Variants in RGS8 observed in about 807,000 individuals in gnomAD.
RGS8 encodes regulator of G protein signaling 8.
Under a neutral mutation model 21.7 loss-of-function variants are expected in RGS8, and 8 were observed. That is an observed-to-expected ratio of 0.37 (90% CI 0.22 to 0.66). The LOEUF (loss-of-function observed/expected upper bound fraction) is 0.66, where lower values mean the gene tolerates loss of function less well. Ranked by LOEUF, RGS8 falls within the 30% of genes least tolerant of loss-of-function variation. RGS8 has a pLI of 0.59. For synonymous variants in RGS8, 80 were observed against 83.6 expected (o/e 0.96, Z 0.24); for missense variants, 157 against 217.9 (o/e 0.72, Z 1.76).
the RGS8 span, among the ~76,000 whole-genome samples, chr1:182,717,626 C>T: frequency 6.6e-6 from 1 of 152,136 alleles, no homozygotes; most frequent in Admixed American, 6.5e-5. Context: ...GAAAGAGTGC[C>T]CCCATCCTGT....
At chr1:182,643,471 G>A (rs1048479496), downstream of RGS8, 1 of 152,070 alleles carries the variant, frequency 6.6e-6, no homozygotes, top group Non-Finnish European at 1.5e-5. Context: ...GTTCTGGGGT[G>A]GGACCTGGAC....
chr1:182,714,049 T>G, the RGS8 span, among the ~76,000 whole-genome samples: 3 of 152,204 alleles, frequency 2.0e-5, no homozygotes, highest in Non-Finnish European at 2.9e-5. Context: ...GAGACTCATC[T>G]CAAATGCCAC....
At chr1:182,687,647 C>T (rs142884447), upstream of RGS8, among the ~76,000 whole-genome samples, 8 of 152,286 alleles carry the variant, frequency 5.3e-5, no homozygotes, top group East Asian at 1.5e-3. Context: ...GCTGTCAAAA[C>T]AACAGAAATG....
In RGS8 at chr1:182,669,608, G is replaced by T. The variant is rs750271883; in HGVS notation, c.26+16C>A. 6.2e-6 allele frequency: 10 copies of T among 1,614,094 alleles called. No individual in the cohort carries two copies. The highest frequency in any genetic ancestry group is 2.7e-5 in the African/African-American group (2 of 74,944). On this transcript the variant is annotated intron_variant, in intron 3 of 6. Coordinates refer to ENST00000483095, the Ensembl canonical transcript of RGS8. ...GAAAGGGTCAGGGGCAAGAAAACAG[G>T]CCATTGATTCATTACCTGCGTGGCA...
chr1:182,660,392 A>G (rs1008677773), intron 5 of RGS8, among the ~76,000 whole-genome samples: 1 of 152,168 alleles, frequency 6.6e-6, no homozygotes, highest in African/African-American at 2.4e-5. Context: ...CATTCCTTCA[A>G]TAAAGACCAA....
upstream of RGS8, among the ~76,000 whole-genome samples, chr1:182,685,744 C>G (rs1006095995): frequency 6.6e-6 from 1 of 152,160 alleles, no homozygotes; most frequent in Non-Finnish European, 1.5e-5. Context: ...CACTGACCCA[C>G]GAGATGACCC....
At chr1:182,667,040 G>A in intron 3 of RGS8, 67 bp from the exon 5 acceptor site, 3 of 1,314,104 alleles carry the variant, frequency 2.3e-6, no homozygotes, top group Non-Finnish European at 3.3e-6. Context: ...CTCTATACAG[G>A]GCCCCTGGAG....
chr1:182,700,784 C>G, the RGS8 span, among the ~76,000 whole-genome samples: 1 of 152,182 alleles, frequency 6.6e-6, no homozygotes, highest in African/African-American at 2.4e-5. Flanking sequence ...GCTTTGTATT[C>G]AAAAGGACTC....
At chr1:182,743,816 G>A in the RGS8 span, among the ~76,000 whole-genome samples, 24 of 152,218 alleles carry the variant, frequency 1.6e-4, no homozygotes, top group African/African-American at 5.3e-4. Flanking sequence ...ACATACACAT[G>A]CATACAACAC....
At chr1:182,733,712 G>A in the RGS8 span, 3 of 152,244 alleles carry the variant, frequency 2.0e-5, no homozygotes, top group African/African-American at 7.2e-5. Context: ...GTAATGAAAG[G>A]AGACACAGGC....
chr1:182,747,870 C>T, the RGS8 span, among the ~76,000 whole-genome samples: 273 of 149,724 alleles, frequency 1.8e-3, 5 homozygotes, highest in Non-Finnish European at 4.4e-4. Flanking sequence ...AAAGGTAGTC[C>T]AGGCAGTGTT....
chr1:182,735,494 C>G, the RGS8 span, among the ~76,000 whole-genome samples: 5 of 152,022 alleles, frequency 3.3e-5, no homozygotes, highest in African/African-American at 4.8e-5. Flanking sequence ...AAAATGAAAG[C>G]CCTGAGAGCT....
At chr1:182,738,319 A>C in the RGS8 span, among the ~76,000 whole-genome samples, 2 of 152,218 alleles carry the variant, frequency 1.3e-5, no homozygotes, top group African/African-American at 4.8e-5. Context: ...GAAGATAATG[A>C]TACTTTTCCA....
chr1:182,738,708 G>A, the RGS8 span, among the ~76,000 whole-genome samples: 4 of 152,190 alleles, frequency 2.6e-5, no homozygotes, highest in Non-Finnish European at 4.4e-5. Flanking sequence ...TACAGTCAGT[G>A]AAACATCTAT....
chr1:182,738,414 T>C, the RGS8 span, among the ~76,000 whole-genome samples: 1 of 152,246 alleles, frequency 6.6e-6, no homozygotes, highest in Admixed American at 6.5e-5. Flanking sequence ...TAGTAGCCTA[T>C]ATAATTTTCA....
the RGS8 span, among the ~76,000 whole-genome samples, chr1:182,719,174 G>C: frequency 3.9e-5 from 6 of 152,152 alleles, no homozygotes; most frequent in South Asian, 6.2e-4. Flanking sequence ...CAAAGGCCAG[G>C]AGTTGCGCAG....
At chr1:182,743,935 T>C in the RGS8 span, among the ~76,000 whole-genome samples, 1 of 152,220 alleles carries the variant, frequency 6.6e-6, no homozygotes, top group Non-Finnish European at 1.5e-5. Context: ...GCTTTATTTT[T>C]CTTCAGAGTA....
chr1:182,746,877 T>C, the RGS8 span, among the ~76,000 whole-genome samples: 1 of 151,944 alleles, frequency 6.6e-6, no homozygotes, highest in Non-Finnish European at 1.5e-5. Context: ...ATGCATCAGA[T>C]GCTCTGACCT....
rs1284441842 is a variant in RGS8, at chr1:182,669,715, T to C, written c.-66A>G. Reference sequence around the variant, plus strand: ...GGGACGTCAGGGCAGGAAATAAGACTGCGGGGCTCAGGAATTTACCCTTGC... The same window carrying C: ...GGGACGTCAGGGCAGGAAATAAGACCGCGGGGCTCAGGAATTTACCCTTGC... On this transcript the variant is annotated 5_prime_UTR_variant, in exon 3 of 7. Coordinates refer to ENST00000483095, the Ensembl canonical transcript of RGS8. 11 of 1,612,008 alleles carry C rather than the reference T, an allele frequency of 6.8e-6. No individual in the cohort carries two copies. The East Asian group carries it at 2.0e-4, about 29-fold the overall frequency.
Sources: allele counts gnomAD v4.1 joint callset (sites outside exome capture counted in the v4.1 genomes callset), GRCh38; gene constraint gnomAD v4.1.1; transcripts MANE v1.5; gene names NCBI Gene and HGNC (gene_info 2026-07-23, HGNC 2026-07-21).